The following B4GALT4 variants were observed in gnomAD, a reference collection of about 807,000 sequenced individuals.
B4GALT4 encodes the protein beta-1,4-galactosyltransferase 4, also known as N-acetyllactosamine synthase.
In B4GALT4, 27 loss-of-function variants were observed where a neutral mutation model predicts 37.3. That is an observed-to-expected ratio of 0.72 (90% CI 0.53 to 1.00). B4GALT4 has a LOEUF of 1.00. B4GALT4 is among the 50% of genes least tolerant of loss of function. The pLI is 0.00. For missense variants in B4GALT4, 372 were observed against 413.1 expected, an observed-to-expected ratio of 0.90 and a Z score of 0.86; for synonymous variants, 148 against 154.1, an observed-to-expected ratio of 0.96 and a Z score of 0.29.
intron 6 of B4GALT4, 150 bp from the exon 7 acceptor site, chr3:119,216,494 T>C (rs1399787491): frequency 1.0e-5 from 5 of 486,288 alleles, no homozygotes; most frequent in South Asian, 1.1e-4. Flanking sequence ...AGCTTGATTA[T>C]TGGAGTATTA....
chr3:119,221,026 G>C (rs905407419), intron 5 of B4GALT4, among the ~76,000 whole-genome samples: 2 of 151,312 alleles, frequency 1.3e-5, no homozygotes, highest in Admixed American at 1.3e-4. Flanking sequence ...GTGCCTGTCA[G>C]ATGACAACTA....
rs772446257 is a variant in B4GALT4, at chr3:119,227,028, C to A, written c.267G>T (p.Lys89Asn). The A allele has an allele frequency of 6.2e-7, 1 of 1,614,118 alleles. No homozygotes were observed. Reference protein sequence around the residue: ...SVSPYLRGQSKLIFKPDLTLE... With the variant: ...SVSPYLRGQSNLIFKPDLTLE... ...AAGTGAGATCTGGTTTGAAAATGAG[C>A]TTGCTCTGGCCTCCTACAATGAACA... Residue 89 changes from lysine (K) to asparagine (N), a missense_variant, in exon 4 of 8, where the codon AAG (lysine) becomes AAT (asparagine). By Grantham distance (94) the Lys-to-Asn change is moderately conservative (BLOSUM62 0). Coordinates refer to ENST00000393765, the MANE Select transcript of B4GALT4 (RefSeq NM_003778.4).
chr3:119,224,031 A>C (rs2078526159), intron 5 of B4GALT4, 27 bp downstream of exon 5: 1 of 1,587,702 alleles, frequency 6.3e-7, no homozygotes, highest in East Asian at 2.3e-5. Flanking sequence ...TTCTCGACCT[A>C]AGCCACCCTC....
intron 5 of B4GALT4, among the ~76,000 whole-genome samples, chr3:119,221,357 G>C (rs1056388123): frequency 6.6e-6 from 1 of 152,220 alleles, no homozygotes; most frequent in Non-Finnish European, 1.5e-5. Flanking sequence ...CCCTCTGCAT[G>C]TGTGTAAGGT....
chr3:119,228,264 T>C (rs2078688755), intron 3 of B4GALT4, among the ~76,000 whole-genome samples: 1 of 152,186 alleles, frequency 6.6e-6, no homozygotes, highest in Non-Finnish European at 1.5e-5. Flanking sequence ...GCTCACCTTC[T>C]CATCGTCATA....
chr3:119,217,842 C>CAA (rs57522373), intron 6 of B4GALT4, among the ~76,000 whole-genome samples: 33 of 87,748 alleles, frequency 3.8e-4, no homozygotes, highest in African/African-American at 1.1e-3. Context: ...GACTTTGTCT[C>CAA]AAAAAAAAAA....
intron 5 of B4GALT4, among the ~76,000 whole-genome samples, chr3:119,220,793 T>C (rs1348202645): frequency 6.6e-6 from 1 of 152,190 alleles, no homozygotes; most frequent in African/African-American, 2.4e-5. Context: ...GAGACCACCC[T>C]GGCTAACACT....
At chr3:119,227,334 G>C (rs2078654784) in intron 3 of B4GALT4, among the ~76,000 whole-genome samples, 1 of 152,160 alleles carries the variant, frequency 6.6e-6, no homozygotes, top group South Asian at 2.1e-4. Flanking sequence ...ATATCCTGGT[G>C]AACTCTGGTA....
chr3:119,223,741 A>C (rs575837861), intron 5 of B4GALT4, among the ~76,000 whole-genome samples: 1 of 152,310 alleles, frequency 6.6e-6, no homozygotes, highest in Admixed American at 6.5e-5. Flanking sequence ...AGTTACTTGC[A>C]TTCTAGTCAG....
intron 4 of B4GALT4, among the ~76,000 whole-genome samples, chr3:119,226,281 G>A (rs9881947): frequency 0.11 from 16,508 of 152,238 alleles, 1,028 homozygotes; most frequent in East Asian, 0.24. Context: ...AAGTCAAATA[G>A]ATGAATCCAG....
chr3:119,238,224 G>A (rs1200908210), intron 1 of B4GALT4, among the ~76,000 whole-genome samples: 4 of 143,982 alleles, frequency 2.8e-5, no homozygotes, highest in Non-Finnish European at 6.0e-5. Flanking sequence ...CTGAGATCAT[G>A]CCACTGCACT....
rs911405974 is a variant in B4GALT4, at chr3:119,212,145, T to C, written c.*404A>G. On this transcript the variant is annotated 3_prime_UTR_variant, in exon 8 of 8. Coordinates refer to ENST00000393765, the MANE Select transcript of B4GALT4 (RefSeq NM_003778.4). ...TATTGTATCTTCGTACCTTTCTACC[T>C]TGGACGAGAACAACTCTGGTTCTCT... 1.4e-6 allele frequency: 1 copy of C among 703,054 alleles called. No individual in the cohort carries two copies. Among genetic ancestry groups the C allele is most frequent in the Non-Finnish European group, 2.6e-6 (1 of 385,006 alleles). 43.6% of individuals were successfully genotyped at this position (703,054 alleles called of 1,614,324 possible). A position where few individuals can be genotyped will look rare whatever the true frequency, so the allele number is the denominator to read the frequency against.
At chr3:119,230,976 T>C (rs1184445970) in intron 2 of B4GALT4, among the ~76,000 whole-genome samples, 5 of 152,198 alleles carry the variant, frequency 3.3e-5, no homozygotes, top group Admixed American at 1.3e-4. Context: ...TAAGCCTCAG[T>C]TTCCTTATCT....
At chr3:119,224,746 A>G (rs1007125161) in intron 4 of B4GALT4, among the ~76,000 whole-genome samples, 10 of 152,226 alleles carry the variant, frequency 6.6e-5, no homozygotes, top group Non-Finnish European at 1.3e-4. Context: ...AAGCAGCTTT[A>G]AAATACAAAT....
intron 7 of B4GALT4, chr3:119,215,431 C>G (rs922171314): frequency 2.0e-5 from 3 of 153,198 alleles, no homozygotes; most frequent in Non-Finnish European, 4.4e-5. Context: ...GGCTTCCCTA[C>G]TTTTGAGGTT....
rs542549996 is a variant in B4GALT4 at position 119,236,956 on chromosome 3, C to G, written c.-249G>C. The stretch of plus-strand genomic sequence containing the variant: ...GGGGAGGAAGTGTTGCGTGGCCTGC[C>G]TCTTCCTTCATGAAGCCACAAAGTG... On this transcript the variant is annotated 5_prime_UTR_variant, in exon 2 of 8. Transcript: ENST00000393765. 3.3e-5 allele frequency: 5 copies of G among 152,324 alleles called. No homozygotes were observed. The South Asian group carries it at 1.0e-3, about 32-fold the overall frequency. The allele number at this position is 152,324 out of a possible 1,614,324, so 9.4% of individuals were successfully genotyped here. A position where few individuals can be genotyped will look rare whatever the true frequency, so the allele number is the denominator to read the frequency against.
chr3:119,230,214 T>C lies in B4GALT4; in HGVS notation c.-115A>G. The C allele has an allele frequency of 7.3e-7, 1 of 1,362,676 alleles. No homozygotes were observed. The highest frequency in any genetic ancestry group is 1.0e-6 in the Non-Finnish European group (1 of 992,606). The allele number at this position is 1,362,676 out of a possible 1,614,324, so 84.4% of individuals were successfully genotyped here. A position where few individuals can be genotyped will look rare whatever the true frequency, so the allele number is the denominator to read the frequency against. On this transcript the variant is annotated 5_prime_UTR_variant, in exon 3 of 8. Transcript: ENST00000393765. The stretch of plus-strand genomic sequence containing the variant: ...TGATGACAACTGAAGATACAATGCC[T>C]GGTTTTTCTCAGTAGTTCTGCTCCA...
intron 5 of B4GALT4, among the ~76,000 whole-genome samples, chr3:119,220,509 G>A (rs1467187564): frequency 6.6e-6 from 1 of 152,250 alleles, no homozygotes; most frequent in East Asian, 1.9e-4. Context: ...AGGGTTCTGA[G>A]GAGAGAGGTG....
intron 2 of B4GALT4, chr3:119,232,553 T>C (rs899900837): frequency 7.0e-6 from 1 of 142,654 alleles, no homozygotes; most frequent in Non-Finnish European, 1.5e-5. Context: ...CCTTGAATAT[T>C]CAGGTTCCCT....
Sources: allele counts gnomAD v4.1 joint callset (sites outside exome capture counted in the v4.1 genomes callset), GRCh38; gene constraint gnomAD v4.1.1; transcripts MANE v1.5; gene names NCBI Gene and HGNC (gene_info 2026-07-23, HGNC 2026-07-21).